NRG3: variants seen among roughly 807,000 people sequenced by gnomAD.
NRG3 encodes neuregulin 3.
Under a neutral mutation model 66.9 loss-of-function variants are expected in NRG3, and 31 were observed. The ratio of observed to expected loss-of-function variants is 0.46; its 90% CI spans 0.35 to 0.63. The LOEUF (loss-of-function observed/expected upper bound fraction) is 0.63, where lower values mean the gene tolerates loss of function less well. Ranked by LOEUF, NRG3 falls within the 20% of genes least tolerant of loss-of-function variation. The probability of loss-of-function intolerance (pLI) is 0.00; values close to 1 mark genes in which losing one functional copy is unlikely to be tolerated. For synonymous variants in NRG3, 393 were observed against 359.4 expected (o/e 1.09, Z -1.06); for missense variants, 910 against 878.9 (o/e 1.04, Z -0.45).
At chr10:82,066,739 T>C (rs186707203) in intron 1 of NRG3, among the ~76,000 whole-genome samples, 1 of 152,306 alleles carries the variant, frequency 6.6e-6, no homozygotes, top group Non-Finnish European at 1.5e-5. Flanking sequence ...AGTATAATGT[T>C]CTTAGGACCA....
chr10:82,262,943 A>G (rs2078109420), intron 1 of NRG3, among the ~76,000 whole-genome samples: 1 of 152,206 alleles, frequency 6.6e-6, no homozygotes, highest in South Asian at 2.1e-4. Flanking sequence ...GCTGGATACA[A>G]TTGAAAGTTT....
chr10:82,008,360 G>A (rs1005851958), intron 1 of NRG3, among the ~76,000 whole-genome samples: 1 of 152,180 alleles, frequency 6.6e-6, no homozygotes, highest in Non-Finnish European at 1.5e-5. Flanking sequence ...AGTGACAAGA[G>A]TAGATGTAAA....
At chr10:82,834,201 C>T (rs1051360663) in intron 3 of NRG3, among the ~76,000 whole-genome samples, 1 of 152,310 alleles carries the variant, frequency 6.6e-6, no homozygotes, top group Non-Finnish European at 1.5e-5. Context: ...CTCGTCTCAG[C>T]TCTTGGCTCT....
intron 1 of NRG3, among the ~76,000 whole-genome samples, chr10:82,108,685 G>T (rs2067206098): frequency 6.6e-6 from 1 of 152,192 alleles, no homozygotes; most frequent in Admixed American, 6.5e-5. Flanking sequence ...TGTAGTAGTA[G>T]AAGTAATTAC....
chr10:81,937,889 C>A (rs1450577779), intron 1 of NRG3, among the ~76,000 whole-genome samples: 4 of 152,024 alleles, frequency 2.6e-5, no homozygotes, highest in Non-Finnish European at 4.4e-5. Context: ...ATGTTAAAGA[C>A]CTTAACCCAT....
intron 1 of NRG3, among the ~76,000 whole-genome samples, chr10:81,968,213 C>T (rs1226210231): frequency 6.6e-6 from 1 of 152,194 alleles, no homozygotes; most frequent in Admixed American, 6.5e-5. Flanking sequence ...CCTCCTAGGG[C>T]CTGGTAGGCC....
intron 2 of NRG3, among the ~76,000 whole-genome samples, chr10:82,435,425 G>A (rs1042454112): frequency 4.6e-5 from 7 of 151,880 alleles, no homozygotes; most frequent in African/African-American, 1.5e-4. Flanking sequence ...TTTTTGGAGG[G>A]CTTTTTGTGT....
At chr10:82,808,423 A>G (rs1007197790) in intron 3 of NRG3, among the ~76,000 whole-genome samples, 1 of 152,162 alleles carries the variant, frequency 6.6e-6, no homozygotes, top group African/African-American at 2.4e-5. Flanking sequence ...TTTTACTATT[A>G]CAAATTACTT....
Position 82,959,091 on chromosome 10 carries a change from A to G in NRG3, c.1284+16A>G, listed in dbSNP as rs750992307. On this transcript the variant is annotated intron_variant, in intron 6 of 8. Coordinates refer to ENST00000372141, the MANE Select transcript of NRG3 (RefSeq NM_001010848.4). ...GCTGCAAAATGTAAGTGACATGTCTACACACCTCCTCCTATAGCCTACCTC... is the reference window on the plus strand; with the variant it reads ...GCTGCAAAATGTAAGTGACATGTCTGCACACCTCCTCCTATAGCCTACCTC... 7 of 1,581,658 alleles carry G rather than the reference A, an allele frequency of 4.4e-6. No homozygotes were observed. The highest frequency in any genetic ancestry group is 3.6e-5 in the South Asian group (3 of 84,182).
At chr10:82,408,367 A>G (rs1053392163) in intron 2 of NRG3, among the ~76,000 whole-genome samples, 1 of 152,020 alleles carries the variant, frequency 6.6e-6, no homozygotes, top group Non-Finnish European at 1.5e-5. Flanking sequence ...AAACCACTTA[A>G]AACTGATGTA....
At chr10:82,582,314 A>G (rs183119420) in intron 2 of NRG3, among the ~76,000 whole-genome samples, 1 of 152,218 alleles carries the variant, frequency 6.6e-6, no homozygotes, top group African/African-American at 2.4e-5. Context: ...ATCTCTTATT[A>G]AGTAGCTTTG....
chr10:82,716,405 G>T (rs1010004188), intron 2 of NRG3, among the ~76,000 whole-genome samples: 2 of 152,084 alleles, frequency 1.3e-5, no homozygotes, highest in African/African-American at 4.8e-5. Context: ...TCTGAATGCA[G>T]ATCTGTTAAG....
At chr10:82,354,217 A>AT (rs144675401) in intron 1 of NRG3, among the ~76,000 whole-genome samples, 26,534 of 150,140 alleles carry the variant, frequency 0.18, 2,704 homozygotes, top group East Asian at 0.28. Flanking sequence ...TATTATTATT[A>AT]TTTGTATAGA....
intron 4 of NRG3, among the ~76,000 whole-genome samples, chr10:82,901,858 T>G (rs1249762458): frequency 6.6e-6 from 1 of 152,216 alleles, no homozygotes; most frequent in Middle Eastern, 3.2e-3. Flanking sequence ...TTTCACAGTT[T>G]AGTAATCACC....
rs80252393 is a variant in NRG3, at chr10:82,474,277, A to G, written c.953+115409A>G. Among the ~76,000 whole-genome samples, 184 of 152,248 alleles carry G rather than the reference A, an allele frequency of 1.2e-3. 2 individuals are homozygous for G. In the East Asian group the frequency reaches 0.031, roughly 26 times the overall value. On this transcript the variant is annotated intron_variant, in intron 2 of 8. Coordinates refer to ENST00000372141, the MANE Select transcript of NRG3 (RefSeq NM_001010848.4). ...CCAGAAATAGTCTCTGAAGAAATAT[A>G]GGCACTGAGCTTACTAGATAAAGAC...
chr10:82,445,315 A>G (rs1282656815), intron 2 of NRG3, among the ~76,000 whole-genome samples: 1 of 152,188 alleles, frequency 6.6e-6, no homozygotes, highest in Admixed American at 6.5e-5. Flanking sequence ...GTAGAAAATT[A>G]GAGTATTGTG....
At chr10:82,706,990 T>A (rs2056335294) in intron 2 of NRG3, among the ~76,000 whole-genome samples, 1 of 114,672 alleles carries the variant, frequency 8.7e-6, no homozygotes, top group Admixed American at 1.0e-4. Flanking sequence ...TAAGACTCCA[T>A]CTCAAAAAAA....
intron 1 of NRG3, among the ~76,000 whole-genome samples, chr10:82,314,670 C>A (rs898355713): frequency 2.0e-5 from 3 of 151,990 alleles, no homozygotes; most frequent in African/African-American, 7.3e-5. Flanking sequence ...ATTAGCCGGG[C>A]ATGGTGGCGG....
intron 1 of NRG3, among the ~76,000 whole-genome samples, chr10:82,191,598 T>C (rs528169010): frequency 6.6e-6 from 1 of 152,312 alleles, no homozygotes; most frequent in Non-Finnish European, 1.5e-5. Flanking sequence ...ATTAATAATG[T>C]AGAGCAAAAT....
Sources: gnomAD v4.1 joint callset for allele counts (sites outside exome capture counted in the v4.1 genomes callset) on GRCh38, gnomAD v4.1.1 for gene constraint, MANE v1.5 for transcripts, NCBI Gene and HGNC (gene_info 2026-07-23, HGNC 2026-07-21) for gene names.